Variants in SUMF1 observed in about 807,000 individuals in gnomAD.
SUMF1 encodes the protein formylglycine-generating enzyme.
Under a neutral mutation model 47.6 loss-of-function variants are expected in SUMF1, and 48 were observed. That is an observed-to-expected ratio of 1.01 (90% CI 0.80 to 1.28). The LOEUF (loss-of-function observed/expected upper bound fraction) is 1.28. SUMF1 is among the 50% of genes most tolerant of loss of function. The pLI, the probability that SUMF1 is intolerant of heterozygous loss-of-function variation, is 0.00. For missense variants in SUMF1, 571 were observed against 485.4 expected, an observed-to-expected ratio of 1.18 and a Z score of -1.66; for synonymous variants, 230 against 192.1, an observed-to-expected ratio of 1.20 and a Z score of -1.63.
rs1448678093 is a variant in SUMF1, at chr3:4,417,193, T to C, written c.775A>G (p.Asn259Asp). Residue 259 changes from asparagine (N) to aspartate (D), a missense_variant, in exon 6 of 9, where the codon AAC becomes GAC. Physicochemically the swap from Asn to Asp is conservative, Grantham distance 23 (BLOSUM62 1). Coordinates refer to ENST00000272902, the MANE Select transcript of SUMF1 (RefSeq NM_182760.4). ...KLQPKGQHYA[N>D]IWQGEFPVTN... is the part of the protein sequence containing the mutation. ...ACCGGAAACTCGCCCTGCCAAATGT[T>C]GGCATAATGCTGGCCTTTGGGCTGC... 6.2e-7 allele frequency: 1 copy of C among 1,613,992 alleles called. No homozygotes were observed. The highest frequency in any genetic ancestry group is 1.1e-5 in the South Asian group (1 of 91,080).
intron 8 of SUMF1, among the ~76,000 whole-genome samples, chr3:4,156,328 T>C (rs1291791237): frequency 6.6e-6 from 1 of 151,604 alleles, no homozygotes; most frequent in African/African-American, 2.4e-5. Flanking sequence ...TCCTGTACTC[T>C]TTCTATCTCC....
chr3:4,298,096 A>G (rs1386725439), intron 8 of SUMF1, among the ~76,000 whole-genome samples: 2 of 152,208 alleles, frequency 1.3e-5, no homozygotes, highest in Non-Finnish European at 2.9e-5. Flanking sequence ...TGAAAAATCC[A>G]AAAGAAATCT....
chr3:4,211,199 C>CATATATATATATATATATGTATAT (rs3046224), intron 8 of SUMF1, among the ~76,000 whole-genome samples: 8 of 85,030 alleles, frequency 9.4e-5, no homozygotes, highest in African/African-American at 3.9e-4. Context: ...CATATACATA[C>CATATATATATATATATATGTATAT]ATACATATAT....
chr3:4,318,772 G>C (rs749476978), intron 8 of SUMF1, among the ~76,000 whole-genome samples: 54 of 152,298 alleles, frequency 3.5e-4, no homozygotes, highest in Admixed American at 2.3e-3. Context: ...GCTGGGCATA[G>C]TGGCACACAC....
chr3:4,368,086 A>G (rs938140203), intron 8 of SUMF1, among the ~76,000 whole-genome samples: 12 of 152,208 alleles, frequency 7.9e-5, no homozygotes, highest in African/African-American at 2.9e-4. Context: ...CAACCTACTC[A>G]TCTGACAAAG....
At chr3:4,177,297 C>T (rs964094045) in intron 8 of SUMF1, among the ~76,000 whole-genome samples, 4 of 152,148 alleles carry the variant, frequency 2.6e-5, no homozygotes, top group Non-Finnish European at 4.4e-5. Context: ...AAGTAAAGCA[C>T]TCCTCAGCAA....
chr3:4,158,265 CTT>C (rs1201095503), intron 8 of SUMF1, among the ~76,000 whole-genome samples: 1 of 151,580 alleles, frequency 6.6e-6, no homozygotes, highest in African/African-American at 2.4e-5. Context: ...CAAAGTTCCT[CTT>C]GTTATTGACT....
chr3:4,273,772 G>A lies in SUMF1; in HGVS notation c.1014+102558C>T, dbSNP rs1289357126. Among the ~76,000 whole-genome samples the A allele has an allele frequency of 9.5e-5, 11 of 115,646 alleles. 1 individual carries two copies. The highest frequency in any genetic ancestry group is 3.3e-4 in the African/African-American group (9 of 27,652). The allele number at this position is 115,646 out of a possible 152,430, so 75.9% of individuals were successfully genotyped here. A position where few individuals can be genotyped will look rare whatever the true frequency, so the allele number is the denominator to read the frequency against. ...GGGAGGATACGGGAGGGGAGGATAC[G>A]GGAGGGGAGGATACGGGAGGGGAGG... On this transcript the variant is annotated intron_variant and NMD_transcript_variant, in intron 8 of 12. Transcript: ENST00000448413.
intron 7 of SUMF1, among the ~76,000 whole-genome samples, chr3:4,404,609 T>C (rs2124986618): frequency 6.6e-6 from 1 of 152,120 alleles, no homozygotes; most frequent in Non-Finnish European, 1.5e-5. Flanking sequence ...AATACAAAAT[T>C]AGCCAGGCGT....
rs936832712 is a variant in SUMF1, at chr3:4,450,386, C to A, written c.445-1046G>T. Among the ~76,000 whole-genome samples, 4 of 152,116 alleles carry A rather than the reference C, an allele frequency of 2.6e-5. 1 individual carries two copies. The highest frequency in any genetic ancestry group is 2.0e-4 in the Admixed American group (3 of 15,274). ...AGATGAAATTAACTGAGTACTGGAT[C>A]CTTATATTGCAGATCTTACAAGCAT... is the stretch of plus-strand genomic sequence containing the variant. On this transcript the variant is annotated intron_variant, in intron 2 of 8. Transcript: ENST00000272902.
At chr3:4,256,524 G>GATA in intron 8 of SUMF1, among the ~76,000 whole-genome samples, 1 of 145,612 alleles carries the variant, frequency 6.9e-6, no homozygotes, top group South Asian at 2.3e-4. Context: ...AGAAGAAATG[G>GATA]ATAAATTCCT....
intron 8 of SUMF1, among the ~76,000 whole-genome samples, chr3:4,100,070 ATCCTT>A (rs1692998587): frequency 6.6e-6 from 1 of 150,586 alleles, no homozygotes; most frequent in Admixed American, 6.6e-5. Flanking sequence ...AATTCTTCCA[ATCCTT>A]GGATTGGAAG....
chr3:4,251,217 T>G (rs1696794891), intron 8 of SUMF1, among the ~76,000 whole-genome samples: 1 of 152,180 alleles, frequency 6.6e-6, no homozygotes, highest in Non-Finnish European at 1.5e-5. Context: ...AGTCCAAGAC[T>G]TCAGTGGAGG....
chr3:4,073,361 G>T (rs1692332740), intron 8 of SUMF1, among the ~76,000 whole-genome samples: 1 of 152,074 alleles, frequency 6.6e-6, no homozygotes, highest in Non-Finnish European at 1.5e-5. Context: ...GGAATAACTG[G>T]TACCAGCCAC....
chr3:4,395,706 C>G (rs775133407), intron 7 of SUMF1, among the ~76,000 whole-genome samples: 1 of 152,112 alleles, frequency 6.6e-6, no homozygotes, highest in Non-Finnish European at 1.5e-5. Flanking sequence ...AGATTAGAAA[C>G]GAAGAGAATT....
chr3:4,403,226 A>C (rs1024214855), intron 7 of SUMF1, among the ~76,000 whole-genome samples: 4 of 152,344 alleles, frequency 2.6e-5, no homozygotes, highest in Admixed American at 1.3e-4. Context: ...ACAGGGTCAC[A>C]CATCTGGGAA....
In SUMF1 at chr3:4,177,799, A is replaced by C. The variant is rs147071880; in HGVS notation, c.1015-109054T>G. Among the ~76,000 whole-genome samples, 972 of 152,110 alleles carry C rather than the reference A, an allele frequency of 6.4e-3. 18 individuals carry two copies. The highest frequency in any genetic ancestry group is 0.022 in the African/African-American group (933 of 41,538). On this transcript the variant is annotated intron_variant and NMD_transcript_variant, in intron 8 of 12. Transcript: ENST00000448413. ...CAAAATTGATAGACCACTAGCAAGA[A>C]TGATAAAGAAGAAAAGAGAGAAGAA...
chr3:4,083,092 A>G (rs1189076381), intron 8 of SUMF1, among the ~76,000 whole-genome samples: 1 of 152,122 alleles, frequency 6.6e-6, no homozygotes, highest in Non-Finnish European at 1.5e-5. Context: ...ATCAAAGTGC[A>G]CCCCGTGGAT....
At chr3:4,158,277 T>G (rs921032958) in intron 8 of SUMF1, among the ~76,000 whole-genome samples, 3 of 151,710 alleles carry the variant, frequency 2.0e-5, no homozygotes, top group African/African-American at 7.3e-5. Flanking sequence ...TGTTATTGAC[T>G]TCTAGTTTTA....
Sources: allele counts gnomAD v4.1 joint callset (sites outside exome capture counted in the v4.1 genomes callset), GRCh38; gene constraint gnomAD v4.1.1; transcripts MANE v1.5; gene names NCBI Gene and HGNC (gene_info 2026-07-23, HGNC 2026-07-21).